Variants in KCMF1 observed in about 807,000 individuals in gnomAD.
KCMF1 encodes potassium channel modulatory factor 1.
Under a neutral mutation model 41.1 loss-of-function variants are expected in KCMF1, and 3 were observed. The observed-to-expected ratio is 0.07, with a 90% CI of 0.03 to 0.19. The LOEUF is 0.19. KCMF1 is among the 10% of genes least tolerant of loss of function. The pLI is 1.00. For missense variants in KCMF1, 286 were observed against 488.9 expected (o/e 0.58, Z 3.91); for synonymous variants, 142 against 164.5 (o/e 0.86, Z 1.04).
chr2:85,006,667 A>G (rs963451414), intron 1 of KCMF1, among the ~76,000 whole-genome samples: 3 of 152,108 alleles, frequency 2.0e-5, no homozygotes, highest in African/African-American at 7.2e-5. Flanking sequence ...TTTTAAAGAC[A>G]TATGGCCAGC....
Position 85,056,680 on chromosome 2 carries a change from A to G in KCMF1, c.*3271A>G, listed in dbSNP as rs1322072582. The G allele has an allele frequency of 1.3e-5, 2 of 152,176 alleles. No homozygotes were observed. The highest frequency in any genetic ancestry group is 4.8e-5 in the African/African-American group (2 of 41,440). 9.4% of individuals were successfully genotyped at this position (152,176 alleles called of 1,614,324 possible). On this transcript the variant is annotated 3_prime_UTR_variant, in exon 7 of 7. Coordinates refer to ENST00000409785, the MANE Select transcript of KCMF1 (RefSeq NM_020122.5). ...TGTAACAGTGTTCAGTACCAATATTAAGTCTACTGTAAGTGGGGTCTGATA... is the reference window on the plus strand; with the variant it reads ...TGTAACAGTGTTCAGTACCAATATTGAGTCTACTGTAAGTGGGGTCTGATA...
intron 1 of KCMF1, among the ~76,000 whole-genome samples, chr2:84,981,914 A>G (rs1023431077): frequency 6.6e-6 from 1 of 151,578 alleles, no homozygotes; most frequent in Non-Finnish European, 1.5e-5. Context: ...TGAGTAGCTG[A>G]GATTACAGGC....
intron 3 of KCMF1, among the ~76,000 whole-genome samples, chr2:85,038,677 G>A (rs1267273772): frequency 6.6e-6 from 1 of 151,824 alleles, no homozygotes. Context: ...TTTGTATGAT[G>A]GCTTTAAATT....
chr2:85,014,693 A>G (rs1674724041), intron 1 of KCMF1, among the ~76,000 whole-genome samples: 1 of 149,222 alleles, frequency 6.7e-6, no homozygotes, highest in Non-Finnish European at 1.5e-5. Context: ...ATGTATATGG[A>G]AATACTGGCG....
At chr2:84,986,173 T>A (rs1673895401) in intron 1 of KCMF1, among the ~76,000 whole-genome samples, 1 of 152,220 alleles carries the variant, frequency 6.6e-6, no homozygotes, top group Non-Finnish European at 1.5e-5. Flanking sequence ...ATAAGTACTA[T>A]GAGGCATTTA....
At chr2:84,992,622 GGTTTTTTTTTGTTTTTT>G (rs1238856332) in intron 1 of KCMF1, among the ~76,000 whole-genome samples, 2 of 151,174 alleles carry the variant, frequency 1.3e-5, no homozygotes, top group East Asian at 4.0e-4. Context: ...ATTTATATGT[GGTTTTTTTTTGTTTTTT>G]GTTTTTTTCT....
In KCMF1 at chr2:84,971,320, C is replaced by A; in HGVS notation, c.-132C>A. The A allele has an allele frequency of 3.4e-6, 1 of 294,898 alleles. No individual in the cohort carries two copies. The highest frequency in any genetic ancestry group is 5.1e-6 in the Non-Finnish European group (1 of 197,654). 18.3% of individuals were successfully genotyped at this position (294,898 alleles called of 1,614,324 possible). On this transcript the variant is annotated 5_prime_UTR_variant, in exon 1 of 7. Transcript: ENST00000409785. ...CGCCGCCGCGGGAGCGCTCCCCTGC[C>A]CACCCCGCCCCCGCGGCCGAGCCCG...
intron 1 of KCMF1, among the ~76,000 whole-genome samples, chr2:85,003,100 G>A (rs1674372806): frequency 6.6e-6 from 1 of 152,114 alleles, no homozygotes; most frequent in South Asian, 2.1e-4. Flanking sequence ...CTAAGGTTTT[G>A]CTTAGTTAAT....
intron 1 of KCMF1, among the ~76,000 whole-genome samples, chr2:85,005,093 G>T (rs1365744364): frequency 6.6e-6 from 1 of 151,972 alleles, no homozygotes; most frequent in East Asian, 1.9e-4. Flanking sequence ...TTTTAGTAGA[G>T]ACAGGGTTTC....
intron 1 of KCMF1, among the ~76,000 whole-genome samples, chr2:84,975,502 TC>T (rs964260438): frequency 2.6e-5 from 4 of 152,118 alleles, no homozygotes; most frequent in Non-Finnish European, 5.9e-5. Context: ...GACAACAGGC[TC>T]CCCACCCTAC....
rs570124645 is a variant in KCMF1 at position 85,024,449 on chromosome 2, G to A, written c.17-3440G>A. ...GATCTCACCATTGCACTCCAGCCCC[G>A]GCGACAGAGTGAGACTCTATCTCAA... On this transcript the variant is annotated intron_variant, in intron 1 of 6. Coordinates refer to ENST00000409785, the MANE Select transcript of KCMF1 (RefSeq NM_020122.5). 6.0e-4 allele frequency among the ~76,000 whole-genome samples: 91 copies of A among 152,158 alleles called. 1 individual carries two copies. In the South Asian group the frequency reaches 8.7e-3, roughly 15 times the overall value.
chr2:85,026,300 T>C (rs1675101246), intron 1 of KCMF1, among the ~76,000 whole-genome samples: 1 of 139,860 alleles, frequency 7.2e-6, no homozygotes, highest in African/African-American at 2.6e-5. Context: ...ATATTTTAAC[T>C]TTTTTTTTTT....
At chr2:85,006,362 G>A (rs1042792237) in intron 1 of KCMF1, among the ~76,000 whole-genome samples, 6 of 141,586 alleles carry the variant, frequency 4.2e-5, no homozygotes, top group East Asian at 2.1e-4. Flanking sequence ...GTGCAGTGGC[G>A]CCATCTCGGC....
At chr2:84,977,189 C>T (rs114481670) in intron 1 of KCMF1, among the ~76,000 whole-genome samples, 131 of 152,096 alleles carry the variant, frequency 8.6e-4, no homozygotes, top group African/African-American at 3.1e-3. Context: ...TTAATTTTCT[C>T]TTCTCAAAAA....
At chr2:84,987,671 A>T (rs1211826437) in intron 1 of KCMF1, among the ~76,000 whole-genome samples, 3 of 152,146 alleles carry the variant, frequency 2.0e-5, no homozygotes, top group Non-Finnish European at 4.4e-5. Flanking sequence ...GGTTCAGGAG[A>T]GAGAAATTGG....
intron 1 of KCMF1, among the ~76,000 whole-genome samples, chr2:84,986,556 C>T (rs111417711): frequency 9.9e-5 from 15 of 152,008 alleles, no homozygotes; most frequent in African/African-American, 2.9e-4. Context: ...AGAAGACTCC[C>T]GTATGTTAGC....
chr2:85,039,527 T>A (rs1675475716), intron 3 of KCMF1, among the ~76,000 whole-genome samples: 1 of 152,178 alleles, frequency 6.6e-6, no homozygotes, highest in Non-Finnish European at 1.5e-5. Flanking sequence ...TGTGGAGTAA[T>A]GACTTCAGAA....
intron 1 of KCMF1, among the ~76,000 whole-genome samples, chr2:85,016,773 A>G (rs1287526828): frequency 6.6e-6 from 1 of 151,434 alleles, no homozygotes; most frequent in African/African-American, 2.4e-5. Flanking sequence ...GCTCACTGCA[A>G]CCTCCACCTC....
intron 1 of KCMF1, among the ~76,000 whole-genome samples, chr2:85,013,207 A>T (rs56298323): frequency 1.3e-4 from 20 of 152,308 alleles, no homozygotes; most frequent in African/African-American, 4.6e-4. Context: ...CTAAGCACTA[A>T]GTGGGTACTG....
Sources: gnomAD v4.1 joint callset for allele counts (sites outside exome capture counted in the v4.1 genomes callset) on GRCh38, gnomAD v4.1.1 for gene constraint, MANE v1.5 for transcripts, NCBI Gene and HGNC (gene_info 2026-07-23, HGNC 2026-07-21) for gene names.